The following CACNA1C variants were observed in gnomAD, a reference collection of about 807,000 sequenced individuals.
CACNA1C encodes the protein calcium voltage-gated channel subunit alpha1 C.
In CACNA1C, 30 loss-of-function variants were observed where a neutral mutation model predicts 229.0. The observed-to-expected ratio is 0.13, with a 90% CI of 0.10 to 0.18. CACNA1C has a LOEUF of 0.18. CACNA1C is among the 10% of genes least tolerant of loss of function. The pLI is 1.00. For synonymous variants in CACNA1C, 1,114 were observed against 1,132.5 expected (o/e 0.98, Z 0.33); for missense variants, 1,658 against 2,845.0 (o/e 0.58, Z 9.49).
Position 2,597,202 on chromosome 12 carries a change from C to A in CACNA1C, c.2794-28C>A, listed in dbSNP as rs2068743161. 8 of 1,490,558 alleles carry A rather than the reference C, an allele frequency of 5.4e-6. No homozygotes were observed. Among genetic ancestry groups the A allele is most frequent in the Non-Finnish European group, 6.5e-6 (7 of 1,068,842 alleles). 92.3% of individuals were successfully genotyped at this position (1,490,558 alleles called of 1,614,324 possible). ...TGCTTTTCTCCCTTCCCCATCCCAT[C>A]CCCACCCTGTTCCTTTTTGTTTTGC... On this transcript the variant is annotated intron_variant, in intron 20 of 46. Coordinates refer to ENST00000399655, the MANE Select transcript of CACNA1C (RefSeq NM_000719.7). The surrounding 1 kb of genome is among the most constrained non-coding windows in gnomAD (Gnocchi z 4.3).
intron 3 of CACNA1C, among the ~76,000 whole-genome samples, chr12:2,265,258 T>C (rs919249124): frequency 5.3e-5 from 8 of 152,186 alleles, no homozygotes; most frequent in African/African-American, 1.9e-4. Context: ...GGTGAAGCAC[T>C]CCCGACCCTC....
At chr12:2,070,444 G>C (rs1298805284) in intron 1 of CACNA1C, among the ~76,000 whole-genome samples, 1 of 152,050 alleles carries the variant, frequency 6.6e-6, no homozygotes, top group Admixed American at 6.5e-5. Context: ...ATATTTTTTA[G>C]TTCTTTCAGC....
At chr12:2,093,608 C>T (rs1311707339) in intron 1 of CACNA1C, among the ~76,000 whole-genome samples, 3 of 152,212 alleles carry the variant, frequency 2.0e-5, no homozygotes, top group Non-Finnish European at 4.4e-5. Context: ...GGACTTGCCT[C>T]CTGAGCCCCT....
intron 3 of CACNA1C, among the ~76,000 whole-genome samples, chr12:2,199,145 C>T (rs2097511106): frequency 6.6e-6 from 1 of 152,176 alleles, no homozygotes; most frequent in Admixed American, 6.5e-5. Context: ...CAACTCCCCT[C>T]CCAGCCACGA....
At position 2,504,374 on chromosome 12, in the gene CACNA1C, C is replaced by G. The variant is rs1429107922; in HGVS notation, c.1114-468C>G. 3.3e-6 allele frequency: 3 copies of G among 919,466 alleles called. No homozygotes were observed. The highest frequency in any genetic ancestry group is 3.3e-5 in the African/African-American group (2 of 61,480). 57.0% of individuals were successfully genotyped at this position (919,466 alleles called of 1,614,324 possible). On this transcript the variant is annotated intron_variant, in intron 7 of 46. Coordinates refer to ENST00000399655, the MANE Select transcript of CACNA1C (RefSeq NM_000719.7). This position sits in a 1 kb window ranked among gnomAD's most constrained non-coding sequence, Gnocchi z 6.8. ...CCTCCCAATCTGCTCACACCTGCTGCCTGCCTCTTTGCTGTAACCCAATTC... is the reference window on the plus strand; with the variant it reads ...CCTCCCAATCTGCTCACACCTGCTGGCTGCCTCTTTGCTGTAACCCAATTC...
intron 13 of CACNA1C, among the ~76,000 whole-genome samples, chr12:2,580,210 G>A (rs554686637): frequency 6.6e-6 from 1 of 152,342 alleles, no homozygotes; most frequent in South Asian, 2.1e-4. Flanking sequence ...TGCAACAGAG[G>A]GGGTATGGCT....
At position 2,608,647 on chromosome 12, in the gene CACNA1C, G is replaced by A; in HGVS notation, c.3493G>A (p.Val1165Ile). ...CATGATGAACATCTTCGTGGGCTTC[G>A]TCATCGTCACCTTTCAGGAGCAGGG... Reference protein sequence around the residue: ...FFMMNIFVGFVIVTFQEQGEQ... With the variant: ...FFMMNIFVGFIIVTFQEQGEQ... The change falls in exon 27 of 47, where the codon GTC (valine) becomes ATC (isoleucine). Residue 1165 changes from valine (V) to isoleucine (I), a missense_variant. Val to Ile is a conservative substitution (Grantham distance 29). Around this residue, in one of 20 missense-constraint regions of CACNA1C, gnomAD observed 2 missense variants for 25.6 expected, o/e 0.08. Coordinates refer to ENST00000399655, the MANE Select transcript of CACNA1C (RefSeq NM_000719.7). This position sits in a 1 kb window ranked among gnomAD's most constrained non-coding sequence, Gnocchi z 4.2. 2.5e-6 allele frequency: 4 copies of A among 1,614,100 alleles called. No individual in the cohort carries two copies. Among genetic ancestry groups the A allele is most frequent in the Non-Finnish European group, 3.4e-6 (4 of 1,179,966 alleles).
chr12:2,272,893 G>A (rs1205291918), intron 3 of CACNA1C, among the ~76,000 whole-genome samples: 2 of 152,188 alleles, frequency 1.3e-5, no homozygotes, highest in Admixed American at 1.3e-4. Flanking sequence ...TCAGTTTATA[G>A]GCAAACAAGA....
intron 13 of CACNA1C, among the ~76,000 whole-genome samples, chr12:2,577,095 G>C (rs1325323625): frequency 1.3e-5 from 2 of 152,236 alleles, no homozygotes; most frequent in African/African-American, 4.8e-5. Flanking sequence ...GAAAGGACAG[G>C]TGGCAGGCCT....
upstream of CACNA1C, among the ~76,000 whole-genome samples, chr12:2,052,568 G>C (rs2052522217): frequency 6.8e-6 from 1 of 147,934 alleles, no homozygotes; most frequent in Non-Finnish European, 1.5e-5. Context: ...GGCCGGCGCG[G>C]GGGGCGCGAC....
chr12:2,567,494 G>T, intron 12 of CACNA1C, 75 bp from the exon 13 acceptor site: 1 of 868,072 alleles, frequency 1.2e-6, no homozygotes, highest in Non-Finnish European at 1.8e-6. Flanking sequence ...GATAATTACT[G>T]TATTTCCTTT....
upstream of CACNA1C, chr12:2,052,969 C>T: frequency 1.0e-6 from 1 of 981,016 alleles, no homozygotes; most frequent in South Asian, 4.7e-5. Context: ...GTGAGCGCGG[C>T]GCTCTCGCGC....
intron 3 of CACNA1C, among the ~76,000 whole-genome samples, chr12:2,228,950 G>A (rs1211814250): frequency 3.9e-5 from 6 of 152,250 alleles, no homozygotes; most frequent in East Asian, 1.9e-4. Flanking sequence ...GTGTGTGTGT[G>A]CATATCTCCT....
rs376531562 is a variant in CACNA1C, at chr12:2,378,596, T to C, written c.478-70380T>C. Among the ~76,000 whole-genome samples the C allele has an allele frequency of 2.0e-3, 308 of 152,246 alleles. 2 individuals carry two copies. The highest frequency in any genetic ancestry group is 7.2e-3 in the African/African-American group (297 of 41,538). ...TCTATGGGAAATTTAAAAACAATCA[T>C]AAAATTCACAGAAAGATGGTCTACT... On this transcript the variant is annotated intron_variant, in intron 3 of 46. Coordinates refer to ENST00000399655, the MANE Select transcript of CACNA1C (RefSeq NM_000719.7).
intron 3 of CACNA1C, among the ~76,000 whole-genome samples, chr12:2,392,814 G>A (rs1318352471): frequency 6.6e-6 from 1 of 152,176 alleles, no homozygotes; most frequent in Non-Finnish European, 1.5e-5. Flanking sequence ...TGTTCTCAGG[G>A]CTGGCCCCAT....
chr12:2,372,708 A>G (rs989150713), intron 3 of CACNA1C, among the ~76,000 whole-genome samples: 6 of 152,312 alleles, frequency 3.9e-5, no homozygotes, highest in South Asian at 2.1e-4. Context: ...TTGAGGGTCA[A>G]TCCCTATCGC....
At position 2,664,825 on chromosome 12, in the gene CACNA1C, G is replaced by A; in HGVS notation, c.4233G>A (p.Arg1411=). The stretch of plus-strand genomic sequence containing the variant: ...GAACGTGGCTCTCCCTCCCCTCCAG[G>A]TGTGCCACCGGGGAGGCCTGGCAGG... The part of the protein sequence containing the change: ...TFPQAVLLLF[R]CATGEAWQDI... Residue 1411 remains arginine (R), a splice_region_variant and synonymous_variant, in exon 35 of 47, where the codon AGG becomes AGA. Transcript: ENST00000399655. The A allele has an allele frequency of 6.3e-7, 1 of 1,582,266 alleles. No individual in the cohort carries two copies. The highest frequency in any genetic ancestry group is 8.6e-7 in the Non-Finnish European group (1 of 1,161,294).
intron 6 of CACNA1C, among the ~76,000 whole-genome samples, chr12:2,490,646 C>T (rs999689353): frequency 1.3e-5 from 2 of 152,200 alleles, no homozygotes; most frequent in African/African-American, 4.8e-5. Flanking sequence ...TGCTTATTAT[C>T]CACTTTTTCA....
intron 3 of CACNA1C, among the ~76,000 whole-genome samples, chr12:2,179,854 T>A (rs1017397497): frequency 1.3e-5 from 2 of 152,244 alleles, no homozygotes; most frequent in African/African-American, 4.8e-5. Context: ...TCCAAACCAC[T>A]GTACACACCG....
Sources: allele counts gnomAD v4.1 joint callset (sites outside exome capture counted in the v4.1 genomes callset), GRCh38; gene constraint gnomAD v4.1.1; regional missense constraint gnomAD v4.1.1; non-coding constraint Gnocchi (gnomAD v3.1); transcripts MANE v1.5; gene names NCBI Gene and HGNC (gene_info 2026-07-23, HGNC 2026-07-21).